Variants in MACROD2 observed in about 807,000 individuals in gnomAD.
MACROD2 encodes ADP-ribose glycohydrolase MACROD2.
A neutral mutation model predicts 70.4 loss-of-function variants in MACROD2; 36 were observed. The observed-to-expected ratio is 0.51, with a 90% CI of 0.39 to 0.68. MACROD2 has a LOEUF of 0.68. Among genes scored for constraint, MACROD2 ranks in the 30% least tolerant of loss-of-function variants. MACROD2 has a pLI of 0.00. For missense variants in MACROD2, 496 were observed against 538.4 expected (o/e 0.92, Z 0.78); for synonymous variants, 172 against 178.8 (o/e 0.96, Z 0.30).
At chr20:15,453,358 T>C (rs1445030333) in intron 7 of MACROD2, among the ~76,000 whole-genome samples, 3 of 152,116 alleles carry the variant, frequency 2.0e-5, no homozygotes, top group East Asian at 1.9e-4. Flanking sequence ...CAACCTCCTA[T>C]TCAGATGTGA....
intron 4 of MACROD2, among the ~76,000 whole-genome samples, chr20:14,620,981 C>T (rs944014399): frequency 6.6e-6 from 1 of 151,986 alleles, no homozygotes; most frequent in African/African-American, 2.4e-5. Flanking sequence ...TTGTGGACCT[C>T]AAAGATTTCA....
intron 10 of MACROD2, chr20:15,893,736 T>G (rs1448158824): frequency 2.2e-6 from 1 of 456,738 alleles, no homozygotes; most frequent in Non-Finnish European, 4.4e-6. Flanking sequence ...ACGCTTTGTC[T>G]TTCTTGCCTG....
intron 15 of MACROD2, among the ~76,000 whole-genome samples, chr20:16,000,210 A>G (rs941730928): frequency 6.6e-6 from 1 of 152,200 alleles, no homozygotes; most frequent in African/African-American, 2.4e-5. Flanking sequence ...CCTGAATGTG[A>G]ACTCCCTCAT....
At chr20:14,600,345 C>T (rs6042813) in intron 4 of MACROD2, among the ~76,000 whole-genome samples, 8,551 of 107,754 alleles carry the variant, frequency 0.079, 588 homozygotes, top group African/African-American at 0.23. Context: ...TATATATATA[C>T]ACACACACAC....
At chr20:15,594,822 A>T (rs1441947156) in intron 8 of MACROD2, among the ~76,000 whole-genome samples, 1 of 152,160 alleles carries the variant, frequency 6.6e-6, no homozygotes, top group Non-Finnish European at 1.5e-5. Context: ...TTACTTTTAC[A>T]TTAGTTCTTT....
chr20:14,791,473 A>G (rs2072450241), intron 5 of MACROD2, among the ~76,000 whole-genome samples: 1 of 152,132 alleles, frequency 6.6e-6, no homozygotes. Context: ...ATCAGTGTCA[A>G]GAGACATGGA....
intron 1 of MACROD2, among the ~76,000 whole-genome samples, chr20:13,998,920 A>T (rs1388898460): frequency 6.6e-6 from 1 of 150,962 alleles, no homozygotes; most frequent in Non-Finnish European, 1.5e-5. Flanking sequence ...GCGCCACTGC[A>T]CTACAGCCTG....
chr20:14,340,823 C>G (rs2083005638), intron 3 of MACROD2, among the ~76,000 whole-genome samples: 1 of 152,160 alleles, frequency 6.6e-6, no homozygotes, highest in Non-Finnish European at 1.5e-5. Context: ...CTAGGACTAT[C>G]TAAACTTGTC....
intron 3 of MACROD2, among the ~76,000 whole-genome samples, chr20:14,275,371 G>A (rs1190169645): frequency 6.6e-6 from 1 of 152,072 alleles, no homozygotes; most frequent in East Asian, 1.9e-4. Context: ...AGAAAAACAA[G>A]CAATGGGGAA....
At chr20:14,305,636 A>T (rs1483429732) in intron 3 of MACROD2, among the ~76,000 whole-genome samples, 1 of 152,150 alleles carries the variant, frequency 6.6e-6, no homozygotes, top group East Asian at 1.9e-4. Context: ...GTTCCCCAGT[A>T]CTTCACCATT....
intron 8 of MACROD2, among the ~76,000 whole-genome samples, chr20:15,790,180 G>A (rs538877008): frequency 8.5e-5 from 13 of 152,062 alleles, no homozygotes; most frequent in African/African-American, 3.1e-4. Flanking sequence ...TCGTACTACT[G>A]TTGGGGCCAA....
chr20:15,634,303 A>G (rs2049333341), intron 8 of MACROD2, among the ~76,000 whole-genome samples: 1 of 152,230 alleles, frequency 6.6e-6, no homozygotes, highest in African/African-American at 2.4e-5. Flanking sequence ...CTTATTATAA[A>G]GAACAGATGT....
chr20:14,663,600 CAT>C (rs151193908), intron 4 of MACROD2, among the ~76,000 whole-genome samples: 1 of 150,534 alleles, frequency 6.6e-6, no homozygotes, highest in African/African-American at 2.4e-5. Flanking sequence ...ATATAATGGT[CAT>C]ATATATATGA....
intron 6 of MACROD2, among the ~76,000 whole-genome samples, chr20:15,355,911 A>G (rs1368748482): frequency 6.6e-6 from 1 of 152,216 alleles, no homozygotes; most frequent in Non-Finnish European, 1.5e-5. Flanking sequence ...ATAAACAAAC[A>G]AACAAACAAA....
chr20:14,361,060 C>T (rs1346932560), intron 3 of MACROD2, among the ~76,000 whole-genome samples: 1 of 152,092 alleles, frequency 6.6e-6, no homozygotes, highest in African/African-American at 2.4e-5. Context: ...TGTTTTCATT[C>T]TAATTTTAGT....
At chr20:14,640,961 A>T (rs1985057135) in intron 4 of MACROD2, among the ~76,000 whole-genome samples, 1 of 152,180 alleles carries the variant, frequency 6.6e-6, no homozygotes. Context: ...AGTTTGACAC[A>T]TGGATTGACT....
chr20:14,906,182 T>C (rs1482765405), intron 5 of MACROD2, among the ~76,000 whole-genome samples: 2 of 152,136 alleles, frequency 1.3e-5, no homozygotes, highest in Non-Finnish European at 2.9e-5. Context: ...ATTATAAAGA[T>C]AGTTATATAT....
At chr20:15,776,286 C>T (rs1317571685) in intron 8 of MACROD2, among the ~76,000 whole-genome samples, 1 of 152,080 alleles carries the variant, frequency 6.6e-6, no homozygotes, top group African/African-American at 2.4e-5. Context: ...TTGACACTTC[C>T]CTTACTCCCT....
intron 8 of MACROD2, among the ~76,000 whole-genome samples, chr20:15,833,742 G>A (rs1429040386): frequency 6.6e-6 from 1 of 152,144 alleles, no homozygotes; most frequent in East Asian, 1.9e-4. Flanking sequence ...CTTCATCAGT[G>A]GAGATCCCCA....
Sources: allele counts gnomAD v4.1 joint callset (sites outside exome capture counted in the v4.1 genomes callset), GRCh38; gene constraint gnomAD v4.1.1; transcripts MANE v1.5; gene names NCBI Gene and HGNC (gene_info 2026-07-23, HGNC 2026-07-21).